GHR: variants seen among roughly 807,000 people sequenced by gnomAD.
GHR encodes GH receptor.
Under a neutral mutation model 67.1 loss-of-function variants are expected in GHR, and 35 were observed. The observed-to-expected ratio is 0.52, with a 90% CI of 0.40 to 0.69. The LOEUF (loss-of-function observed/expected upper bound fraction) is 0.69, where lower values mean the gene tolerates loss of function less well. Ranked by LOEUF, GHR falls within the 30% of genes least tolerant of loss-of-function variation. The pLI is 0.00. For synonymous variants in GHR, 272 were observed against 269.1 expected (o/e 1.01, Z -0.10); for missense variants, 792 against 764.6 (o/e 1.04, Z -0.42).
chr5:42,671,036 T>C (rs1255778118), intron 3 of GHR, among the ~76,000 whole-genome samples: 1 of 152,068 alleles, frequency 6.6e-6, no homozygotes, highest in Non-Finnish European at 1.5e-5. Flanking sequence ...GACAAAATAC[T>C]AGCAAACTGA....
intron 6 of GHR, among the ~76,000 whole-genome samples, chr5:42,703,489 T>C (rs1758029677): frequency 6.6e-6 from 1 of 151,968 alleles, no homozygotes; most frequent in Non-Finnish European, 1.5e-5. Context: ...AGAGTGATGA[T>C]TTCATCCTTG....
chr5:42,496,137 T>C (rs1231493985), intron 1 of GHR, among the ~76,000 whole-genome samples: 1 of 152,184 alleles, frequency 6.6e-6, no homozygotes, highest in African/African-American at 2.4e-5. Flanking sequence ...TCAAGACCAG[T>C]TGAGGCGATG....
chr5:42,548,581 G>A (rs1748850276), intron 1 of GHR: 1 of 803,592 alleles, frequency 1.2e-6, no homozygotes, highest in South Asian at 5.7e-5. Context: ...CTGATAGTCA[G>A]GGTTTTTTTT....
intron 4 of GHR, among the ~76,000 whole-genome samples, chr5:42,694,199 G>A (rs1398603776): frequency 6.6e-6 from 1 of 152,116 alleles, no homozygotes; most frequent in East Asian, 1.9e-4. Context: ...ACATTGCTTT[G>A]TAATATGGTT....
chr5:42,562,917 G>A (rs1749699530), intron 1 of GHR, among the ~76,000 whole-genome samples: 1 of 152,068 alleles, frequency 6.6e-6, no homozygotes, highest in African/African-American at 2.4e-5. Flanking sequence ...CCAAAGTGCT[G>A]GGATTACAGG....
intron 3 of GHR, among the ~76,000 whole-genome samples, chr5:42,657,515 T>C (rs749622753): frequency 8.5e-5 from 13 of 152,310 alleles, no homozygotes; most frequent in Non-Finnish European, 1.6e-4. Context: ...CATGATTTTA[T>C]TCCTTTTATT....
chr5:42,572,114 A>G (rs1283520451), intron 2 of GHR, among the ~76,000 whole-genome samples: 1 of 152,202 alleles, frequency 6.6e-6, no homozygotes, highest in Non-Finnish European at 1.5e-5. Flanking sequence ...CTCACTGTGC[A>G]TCGAAGTCAA....
intron 1 of GHR, among the ~76,000 whole-genome samples, chr5:42,500,937 G>T (rs926409286): frequency 6.6e-6 from 1 of 151,918 alleles, no homozygotes; most frequent in African/African-American, 2.4e-5. Flanking sequence ...AACTTACAAT[G>T]AAAACAACTA....
chr5:42,649,743 C>T (rs1206747834), intron 3 of GHR, among the ~76,000 whole-genome samples: 2 of 152,202 alleles, frequency 1.3e-5, no homozygotes, highest in East Asian at 1.9e-4. Flanking sequence ...AATGATTTAT[C>T]GGAACTAGTT....
chr5:42,564,980 G>A (rs1749842642), intron 1 of GHR, among the ~76,000 whole-genome samples: 1 of 152,174 alleles, frequency 6.6e-6, no homozygotes. Flanking sequence ...GCCCAAACTT[G>A]CCTCAGAAGA....
intron 3 of GHR, among the ~76,000 whole-genome samples, chr5:42,682,276 A>G (rs1756922435): frequency 6.6e-6 from 1 of 152,212 alleles, no homozygotes; most frequent in East Asian, 1.9e-4. Flanking sequence ...CATTCCTTTC[A>G]GAGGTGCTAT....
At chr5:42,534,512 A>G (rs1420072438) in intron 1 of GHR, among the ~76,000 whole-genome samples, 2 of 142,878 alleles carry the variant, frequency 1.4e-5, no homozygotes, top group African/African-American at 2.9e-5. Context: ...GTACATATGT[A>G]TATGTGTATA....
At chr5:42,530,540 TCTAAAATGGTGA>T (rs1747918923) in intron 1 of GHR, among the ~76,000 whole-genome samples, 1 of 152,216 alleles carries the variant, frequency 6.6e-6, no homozygotes, top group Non-Finnish European at 1.5e-5. Flanking sequence ...GCCTTTTTGC[TCTAAAATGGTGA>T]CTATGTTAGA....
chr5:42,659,626 C>A (rs531631795), intron 3 of GHR, among the ~76,000 whole-genome samples: 17 of 152,230 alleles, frequency 1.1e-4, no homozygotes, highest in South Asian at 4.2e-4. Flanking sequence ...TAAAAAAGTT[C>A]TCTTCGATGG....
At chr5:42,668,368 G>T (rs1467807342) in intron 3 of GHR, among the ~76,000 whole-genome samples, 1 of 152,038 alleles carries the variant, frequency 6.6e-6, no homozygotes. Context: ...ATCATTCTTT[G>T]TTGTGGCTGT....
chr5:42,614,529 G>C (rs989256334), intron 2 of GHR, among the ~76,000 whole-genome samples: 4 of 138,974 alleles, frequency 2.9e-5, no homozygotes, highest in African/African-American at 5.4e-5. Flanking sequence ...ATACTACCTA[G>C]AGCAGCAAGC....
In GHR at chr5:42,718,064, G is replaced by A. The variant is rs747650506; in HGVS notation, c.888G>A (p.Leu296=). The A allele has an allele frequency of 6.3e-7, 1 of 1,582,116 alleles. No homozygotes were observed. The highest frequency in any genetic ancestry group is 1.1e-5 in the South Asian group (1 of 90,470). Residue 296 remains leucine (L), a synonymous_variant, in exon 9 of 10, where the codon CTG becomes CTA. Coordinates refer to ENST00000230882, the MANE Select transcript of GHR (RefSeq NM_000163.5). ...ATATGTTTTCAAGGATTAAAATGCT[G>A]ATTCTGCCCCCAGTTCCAGTTCCAA... is the stretch of plus-strand genomic sequence containing the variant. The part of the protein sequence containing the change: ...LFSKQQRIKM[L]ILPPVPVPKI...
At chr5:42,509,979 T>C (rs1390412903) in intron 1 of GHR, among the ~76,000 whole-genome samples, 2 of 152,224 alleles carry the variant, frequency 1.3e-5, no homozygotes, top group East Asian at 3.9e-4. Context: ...TAGACATTTC[T>C]ATTCAACTAC....
At chr5:42,540,203 C>CTCTG in intron 1 of GHR, among the ~76,000 whole-genome samples, 1 of 151,856 alleles carries the variant, frequency 6.6e-6, no homozygotes, top group East Asian at 1.9e-4. Flanking sequence ...CTCTCTCTCT[C>CTCTG]TCTCTCTCTC....
Sources: allele counts gnomAD v4.1 joint callset (sites outside exome capture counted in the v4.1 genomes callset), GRCh38; gene constraint gnomAD v4.1.1; transcripts MANE v1.5; gene names NCBI Gene and HGNC (gene_info 2026-07-23, HGNC 2026-07-21).